The following ZFAND3 variants were observed in gnomAD, a reference collection of about 807,000 sequenced individuals.
ZFAND3 encodes zinc finger AN1-type containing 3.
A neutral mutation model predicts 29.6 loss-of-function variants in ZFAND3; 10 were observed. The observed-to-expected ratio is 0.34, with a 90% CI of 0.21 to 0.57. The LOEUF (loss-of-function observed/expected upper bound fraction) is 0.57. Ranked by LOEUF, ZFAND3 falls within the 20% of genes least tolerant of loss-of-function variation. The pLI is 0.86. For missense variants in ZFAND3, 230 were observed against 304.5 expected, an observed-to-expected ratio of 0.76 and a Z score of 1.82; for synonymous variants, 128 against 112.6, an observed-to-expected ratio of 1.14 and a Z score of -0.87.
chr6:37,834,910 C>T (rs193093281), intron 1 of ZFAND3, among the ~76,000 whole-genome samples: 104 of 150,074 alleles, frequency 6.9e-4, no homozygotes, highest in East Asian at 2.3e-3. Context: ...GGTTTACATT[C>T]ATACCACCAG....
intron 1 of ZFAND3, among the ~76,000 whole-genome samples, chr6:37,919,240 G>A (rs35926400): frequency 0.032 from 4,878 of 152,178 alleles, 89 homozygotes; most frequent in Middle Eastern, 0.041. Context: ...GAGCCACCGC[G>A]CCGGGCTGAG....
chr6:38,078,721 A>AAC (rs1325895998), intron 3 of ZFAND3, among the ~76,000 whole-genome samples: 1 of 152,186 alleles, frequency 6.6e-6, no homozygotes, highest in African/African-American at 2.4e-5. Flanking sequence ...AGTCCCGGTC[A>AAC]ACACACACAC....
At chr6:38,050,795 C>A (rs2127459988) in intron 2 of ZFAND3, among the ~76,000 whole-genome samples, 1 of 152,306 alleles carries the variant, frequency 6.6e-6, no homozygotes, top group Non-Finnish European at 1.5e-5. Flanking sequence ...TAAAATATAA[C>A]ATATTGTATT....
chr6:38,142,517 T>C (rs1177250373), intron 5 of ZFAND3, among the ~76,000 whole-genome samples: 1 of 152,244 alleles, frequency 6.6e-6, no homozygotes, highest in African/African-American at 2.4e-5. Context: ...ACTTTAACTT[T>C]GGAGCTGGTT....
intron 2 of ZFAND3, among the ~76,000 whole-genome samples, chr6:37,954,430 A>G (rs551347256): frequency 6.6e-6 from 1 of 152,222 alleles, no homozygotes; most frequent in South Asian, 2.1e-4. Flanking sequence ...TTCACTAATC[A>G]TCTGCAATTT....
At chr6:38,071,065 T>TTATATATA (rs138964435) in intron 3 of ZFAND3, among the ~76,000 whole-genome samples, 96 of 148,812 alleles carry the variant, frequency 6.5e-4, no homozygotes, top group African/African-American at 1.9e-3. Context: ...AGGAATTCTT[T>TTATATATA]TATATATATA....
intron 1 of ZFAND3, among the ~76,000 whole-genome samples, chr6:37,844,029 C>A (rs913048469): frequency 6.6e-6 from 1 of 151,396 alleles, no homozygotes; most frequent in Non-Finnish European, 1.5e-5. Flanking sequence ...TTGATCCTCC[C>A]ACCTCAGCTT....
intron 2 of ZFAND3, among the ~76,000 whole-genome samples, chr6:38,026,490 G>C (rs1303127220): frequency 7.0e-6 from 1 of 143,408 alleles, no homozygotes. Context: ...GAGTGAAGTG[G>C]CAGGATTTCA....
intron 1 of ZFAND3, among the ~76,000 whole-genome samples, chr6:37,881,003 G>C (rs1324398619): frequency 1.6e-5 from 2 of 125,598 alleles, no homozygotes; most frequent in Admixed American, 1.5e-4. Context: ...CTAAAACTTA[G>C]AGTATAAAAA....
intron 3 of ZFAND3, among the ~76,000 whole-genome samples, chr6:38,074,478 G>C (rs1764515291): frequency 6.6e-6 from 1 of 152,116 alleles, no homozygotes; most frequent in Non-Finnish European, 1.5e-5. Context: ...AAGTTCTCAA[G>C]ACAGAAAATA....
chr6:37,847,400 C>G (rs1232848257), intron 1 of ZFAND3, among the ~76,000 whole-genome samples: 1 of 152,104 alleles, frequency 6.6e-6, no homozygotes, highest in African/African-American at 2.4e-5. Context: ...ATGGTGAAAC[C>G]CTGTCTCTAC....
chr6:37,948,487 G>C (rs1222690615), intron 2 of ZFAND3, among the ~76,000 whole-genome samples: 1 of 152,078 alleles, frequency 6.6e-6, no homozygotes, highest in African/African-American at 2.4e-5. Flanking sequence ...TTTAGACTTA[G>C]GGGGCACATG....
chr6:38,058,579 A>G (rs796369753), intron 2 of ZFAND3, among the ~76,000 whole-genome samples: 10 of 152,292 alleles, frequency 6.6e-5, no homozygotes, highest in African/African-American at 2.4e-4. Flanking sequence ...GCAGTTACTA[A>G]CTGGCTACAT....
chr6:38,000,655 C>T (rs937274749), intron 2 of ZFAND3, among the ~76,000 whole-genome samples: 13 of 152,120 alleles, frequency 8.5e-5, no homozygotes, highest in Non-Finnish European at 1.5e-4. Context: ...ACTTGTCCCT[C>T]CCATGACACG....
intron 3 of ZFAND3, among the ~76,000 whole-genome samples, chr6:38,064,729 T>G (rs1341445806): frequency 6.6e-6 from 1 of 151,002 alleles, no homozygotes; most frequent in Non-Finnish European, 1.5e-5. Flanking sequence ...CTAGTTCTAC[T>G]AGCTTCGTTT....
chr6:38,085,329 G>A (rs1046407612), intron 4 of ZFAND3, among the ~76,000 whole-genome samples: 5 of 152,172 alleles, frequency 3.3e-5, no homozygotes, highest in African/African-American at 1.2e-4. Flanking sequence ...GAGACCTTAA[G>A]TGAGATCTTA....
chr6:37,868,771 G>A (rs1472582275), intron 1 of ZFAND3, among the ~76,000 whole-genome samples: 1 of 152,140 alleles, frequency 6.6e-6, no homozygotes, highest in East Asian at 1.9e-4. Flanking sequence ...CCATTTGTTA[G>A]TGCAGTATTT....
intron 2 of ZFAND3, among the ~76,000 whole-genome samples, chr6:37,947,631 A>G (rs986406903): frequency 5.3e-5 from 8 of 152,210 alleles, no homozygotes; most frequent in Admixed American, 2.0e-4. Context: ...AGAGGAAACA[A>G]TGACTCTGAA....
intron 1 of ZFAND3, among the ~76,000 whole-genome samples, chr6:37,873,556 A>T (rs1374537113): frequency 3.3e-5 from 5 of 152,152 alleles, no homozygotes. Flanking sequence ...ACAGTAGTGG[A>T]CTTAACAGAT....
Sources: gnomAD v4.1 joint callset for allele counts (sites outside exome capture counted in the v4.1 genomes callset) on GRCh38, gnomAD v4.1.1 for gene constraint, MANE v1.5 for transcripts, NCBI Gene and HGNC (gene_info 2026-07-23, HGNC 2026-07-21) for gene names.